The following ENTPD5 variants were observed in gnomAD, a reference collection of about 807,000 sequenced individuals.
The protein encoded by ENTPD5 is ectonucleoside triphosphate diphosphohydrolase 5 (inactive).
A neutral mutation model predicts 60.2 loss-of-function variants in ENTPD5; 49 were observed. The ratio of observed to expected loss-of-function variants is 0.81; its 90% CI spans 0.65 to 1.03. The LOEUF (loss-of-function observed/expected upper bound fraction) is 1.03, where lower values mean the gene tolerates loss of function less well. ENTPD5 is among the 50% of genes least tolerant of loss of function. ENTPD5 has a pLI of 0.00. For missense variants in ENTPD5, 480 were observed against 507.6 expected (o/e 0.95, Z 0.52); for synonymous variants, 187 against 185.4 (o/e 1.01, Z -0.07).
downstream of ENTPD5, chr14:73,960,996 TG>T: frequency 1.3e-6 from 1 of 756,954 alleles, no homozygotes; most frequent in East Asian, 2.7e-5. Context: ...TTAAAACCTC[TG>T]GGGAGTGATG....
chr14:73,965,902 G>A lies in ENTPD5; in HGVS notation c.*1026C>T, dbSNP rs973379826. ...TCCAAGTGGGGTTTTGTCAGGAACGGTATTGGAAACTCTGAACTAGATAAA... is the reference window on the plus strand; with the variant it reads ...TCCAAGTGGGGTTTTGTCAGGAACGATATTGGAAACTCTGAACTAGATAAA... On this transcript the variant is annotated 3_prime_UTR_variant, in exon 16 of 16. Transcript: ENST00000334696. 6.6e-6 allele frequency: 1 copy of A among 152,226 alleles called. No homozygotes were observed. Among genetic ancestry groups the A allele is most frequent in the African/African-American group, 2.4e-5 (1 of 41,434 alleles). 9.4% of individuals were successfully genotyped at this position (152,226 alleles called of 1,614,324 possible).
chr14:73,977,017 G>GTATT lies in ENTPD5; in HGVS notation c.553+3_553+6dup, dbSNP rs1470997158. The GTATT allele has an allele frequency of 1.9e-6, 3 of 1,609,364 alleles. No individual in the cohort carries two copies. The highest frequency in any genetic ancestry group is 2.6e-6 in the Non-Finnish European group (3 of 1,175,916). ...AAGCTCTAAAGATAAACTTGAGGAT[G>GTATT]TATTACCTGTCAGAAAATTCACAGT... is the stretch of plus-strand genomic sequence containing the variant. On this transcript the variant is annotated splice_region_variant and intron_variant, in intron 8 of 15. Transcript: ENST00000334696.
At chr14:73,960,258 A>G, downstream of ENTPD5, 1 of 986,646 alleles carries the variant, frequency 1.0e-6, no homozygotes. Flanking sequence ...AGTATCACTA[A>G]CTGCTCAGGA....
At chr14:73,975,790 G>A (rs2057416476) in intron 10 of ENTPD5, 146 bp downstream of exon 10, 1 of 595,474 alleles carries the variant, frequency 1.7e-6, no homozygotes, top group Non-Finnish European at 2.9e-6. Flanking sequence ...CTTTGTAAGT[G>A]GACCGGGTTT....
chr14:74,017,562 G>A (rs2059066667), intron 1 of ENTPD5, among the ~76,000 whole-genome samples: 1 of 144,764 alleles, frequency 6.9e-6, no homozygotes, highest in African/African-American at 2.5e-5. Flanking sequence ...TGGGCAACAA[G>A]AGCAAAACTC....
chr14:73,971,638 C>G (rs554246143), intron 14 of ENTPD5, among the ~76,000 whole-genome samples: 1 of 152,308 alleles, frequency 6.6e-6, no homozygotes, highest in South Asian at 2.1e-4. Flanking sequence ...AAGCAATCCT[C>G]CCGCCCTGAG....
At chr14:73,988,467 G>A (rs2057996963) in intron 3 of ENTPD5, among the ~76,000 whole-genome samples, 2 of 152,182 alleles carry the variant, frequency 1.3e-5, no homozygotes, top group Non-Finnish European at 2.9e-5. Flanking sequence ...GATGTGTAAA[G>A]ATCAAATCAG....
intron 14 of ENTPD5, among the ~76,000 whole-genome samples, chr14:73,971,020 C>G (rs192007812): frequency 6.6e-6 from 1 of 151,974 alleles, no homozygotes; most frequent in African/African-American, 2.4e-5. Context: ...CTCAAGGAAG[C>G]CTCTGTGGCT....
At chr14:73,959,603 T>G (rs777514074), downstream of ENTPD5, 3 of 1,603,830 alleles carry the variant, frequency 1.9e-6, no homozygotes, top group Admixed American at 1.7e-5. Context: ...TTGAAACGGA[T>G]CCTTGCCAGG....
chr14:73,983,020 CA>C lies in ENTPD5; in HGVS notation c.438del (p.Phe146LeufsTer3). Reference sequence around the variant, plus strand: ...CAAGATGCAGTTTTAAAACTTACCTCAAAGAGCAGAGCCTTGGCTTTGTGTT... The same window carrying C: ...CAAGATGCAGTTTTAAAACTTACCTCAAGAGCAGAGCCTTGGCTTTGTGTT... The part of the protein sequence containing the change: ...LPEHKAKALL[F>X]EVKEIFRKSP... On this transcript the variant is annotated frameshift_variant, in exon 6 of 16. Transcript: ENST00000334696. LOFTEE classifies it high-confidence loss of function. 6.2e-7 allele frequency: 1 copy of C among 1,613,298 alleles called. No homozygotes were observed. Among genetic ancestry groups the C allele is most frequent in the East Asian group, 2.2e-5 (1 of 44,852 alleles).
At chr14:73,975,704 C>A (rs550885775) in intron 10 of ENTPD5, among the ~76,000 whole-genome samples, 2 of 152,168 alleles carry the variant, frequency 1.3e-5, no homozygotes, top group Non-Finnish European at 2.9e-5. Context: ...TGCACCCAGC[C>A]GAAAACTTTT....
downstream of ENTPD5, chr14:73,958,606 T>G: frequency 7.8e-7 from 1 of 1,287,944 alleles, no homozygotes; most frequent in Middle Eastern, 3.2e-4. Flanking sequence ...TTCTCCTTTC[T>G]GCTCACAAGC....
At chr14:73,981,482 G>GA (rs201430544) in intron 6 of ENTPD5, among the ~76,000 whole-genome samples, 22 of 144,256 alleles carry the variant, frequency 1.5e-4, no homozygotes, top group Admixed American at 6.2e-4. Flanking sequence ...CTGGGTAACA[G>GA]AAAAAAAAAA....
chr14:73,962,872 G>A (rs1054945229), downstream of ENTPD5: 40 of 1,025,600 alleles, frequency 3.9e-5, no homozygotes, highest in Middle Eastern at 5.6e-4. Context: ...ATAAAACAAG[G>A]ACACTTGGGA....
intron 3 of ENTPD5, among the ~76,000 whole-genome samples, chr14:74,005,530 A>T (rs1454915115): frequency 1.3e-5 from 2 of 151,458 alleles, no homozygotes; most frequent in Non-Finnish European, 2.9e-5. Flanking sequence ...ACAACTGGCC[A>T]GGTGCGGTGG....
At chr14:73,996,562 A>G (rs2058349613) in intron 3 of ENTPD5, 1 of 151,930 alleles carries the variant, frequency 6.6e-6, no homozygotes, top group Non-Finnish European at 1.5e-5. Context: ...GTTAATAAGC[A>G]TGTACTGAGT....
chr14:73,999,661 G>A (rs1450632825), intron 3 of ENTPD5, among the ~76,000 whole-genome samples: 1 of 151,166 alleles, frequency 6.6e-6, no homozygotes, highest in East Asian at 2.0e-4. Flanking sequence ...GCGCAGTGGC[G>A]CGTGCCTGTA....
At chr14:73,976,132 A>C in intron 9 of ENTPD5, 117 bp from the exon 10 acceptor site, 2 of 927,904 alleles carry the variant, frequency 2.2e-6, no homozygotes, top group Non-Finnish European at 3.4e-6. Flanking sequence ...TAAGGGGCTA[A>C]TCTCACTAGG....
chr14:74,007,122 G>A (rs8010533), intron 3 of ENTPD5, among the ~76,000 whole-genome samples: 20,191 of 152,102 alleles, frequency 0.13, 1,947 homozygotes, highest in East Asian at 0.58. Flanking sequence ...GGTACTAGCT[G>A]GGCATGGTGG....
Sources: allele counts gnomAD v4.1 joint callset (sites outside exome capture counted in the v4.1 genomes callset), GRCh38; gene constraint gnomAD v4.1.1; transcripts MANE v1.5; gene names NCBI Gene and HGNC (gene_info 2026-07-23, HGNC 2026-07-21).